The following FRMD4A variants were observed in gnomAD, a reference collection of about 807,000 sequenced individuals.
FRMD4A encodes FERM domain-containing protein 4A.
FRMD4A carries 29 observed loss-of-function variants against 129.1 expected under a neutral mutation model. The observed-to-expected ratio is 0.22, with a 90% CI of 0.17 to 0.31. The LOEUF (loss-of-function observed/expected upper bound fraction) is 0.31. FRMD4A is among the 10% of genes least tolerant of loss of function. The probability of loss-of-function intolerance (pLI) is 1.00; values close to 1 mark genes in which losing one functional copy is unlikely to be tolerated. For missense variants in FRMD4A, 1,272 were observed against 1,375.8 expected, an observed-to-expected ratio of 0.92 and a Z score of 1.19; for synonymous variants, 634 against 571.6, an observed-to-expected ratio of 1.11 and a Z score of -1.56.
intron 4 of FRMD4A, among the ~76,000 whole-genome samples, chr10:13,799,497 A>G (rs2093205462): frequency 1.3e-5 from 2 of 152,160 alleles, no homozygotes; most frequent in Admixed American, 1.3e-4. Context: ...CACGAGATCT[A>G]CCTCATGAGG....
At chr10:14,072,165 T>A (rs1442223773) in intron 2 of FRMD4A, among the ~76,000 whole-genome samples, 2 of 152,196 alleles carry the variant, frequency 1.3e-5, no homozygotes, top group African/African-American at 4.8e-5. Context: ...CTTCTGGATA[T>A]CTAGTTGAGA....
chr10:14,212,203 C>T (rs978431308), intron 2 of FRMD4A, among the ~76,000 whole-genome samples: 3 of 152,148 alleles, frequency 2.0e-5, no homozygotes, highest in African/African-American at 7.2e-5. Flanking sequence ...GGGCCACCAC[C>T]GATATCCAGT....
intron 2 of FRMD4A, among the ~76,000 whole-genome samples, chr10:14,238,010 C>A (rs1843890485): frequency 6.6e-6 from 1 of 152,228 alleles, no homozygotes; most frequent in Non-Finnish European, 1.5e-5. Context: ...CTCCCACCTG[C>A]CTCTCTGCTC....
chr10:13,747,092 T>G (rs1273344595), intron 9 of FRMD4A, among the ~76,000 whole-genome samples: 1 of 150,702 alleles, frequency 6.6e-6, no homozygotes, highest in Non-Finnish European at 1.5e-5. Context: ...TGTTCCAAAA[T>G]GAAACTCTAG....
intron 18 of FRMD4A, 24 bp downstream of exon 18, chr10:13,666,073 G>A (rs764121779): frequency 1.4e-6 from 2 of 1,452,292 alleles, no homozygotes; most frequent in Middle Eastern, 1.8e-4. Context: ...GGAGTGGGGT[G>A]GGGGCAGCCC....
At chr10:14,265,052 G>A (rs541965586) in intron 2 of FRMD4A, among the ~76,000 whole-genome samples, 2 of 152,334 alleles carry the variant, frequency 1.3e-5, no homozygotes, top group East Asian at 3.9e-4. Flanking sequence ...AAAGTGCTGG[G>A]ATTACAGGCG....
chr10:13,749,563 T>C (rs1037724637), intron 8 of FRMD4A, among the ~76,000 whole-genome samples: 2 of 152,036 alleles, frequency 1.3e-5, no homozygotes, highest in Non-Finnish European at 2.9e-5. Flanking sequence ...GCGTCACCAT[T>C]GGATGCCCAG....
intron 2 of FRMD4A, among the ~76,000 whole-genome samples, chr10:14,200,662 C>A (rs1228897007): frequency 6.6e-6 from 1 of 152,188 alleles, no homozygotes; most frequent in East Asian, 1.9e-4. Context: ...GCAGGGTGAG[C>A]AGCCTCCTCA....
At chr10:13,999,623 T>C (rs1273175202) in intron 2 of FRMD4A, among the ~76,000 whole-genome samples, 1 of 152,234 alleles carries the variant, frequency 6.6e-6, no homozygotes, top group Non-Finnish European at 1.5e-5. Flanking sequence ...TATAGCGTTT[T>C]TGAGAAAAGT....
At chr10:14,011,908 C>T (rs2095683789) in intron 2 of FRMD4A, among the ~76,000 whole-genome samples, 1 of 151,620 alleles carries the variant, frequency 6.6e-6, no homozygotes, top group African/African-American at 2.4e-5. Context: ...ACTTGGGAGG[C>T]TGAGGCAGGA....
At chr10:13,684,536 C>A (rs577133181) in intron 15 of FRMD4A, 1 of 985,342 alleles carries the variant, frequency 1.0e-6, no homozygotes, top group Non-Finnish European at 1.2e-6. Flanking sequence ...GCTCTCCTCC[C>A]GGCCGGCAGA....
rs149093916 is a variant in FRMD4A at position 13,895,369 on chromosome 10, G to C, written c.46-36457C>G. ...TTTCTTCCTATGTTAGTTTGCTAAG[G>C]ATAATGGCCTACAGCTCCATCCATG... On this transcript the variant is annotated intron_variant, in intron 2 of 24. Transcript: ENST00000357447. Among the ~76,000 whole-genome samples the C allele has an allele frequency of 3.4e-3, 522 of 152,246 alleles. 1 individual carries two copies. Among genetic ancestry groups the C allele is most frequent in the Non-Finnish European group, 5.6e-3 (381 of 68,018 alleles).
intron 2 of FRMD4A, among the ~76,000 whole-genome samples, chr10:13,902,988 T>G (rs764471443): frequency 6.6e-6 from 1 of 152,206 alleles, no homozygotes; most frequent in Non-Finnish European, 1.5e-5. Flanking sequence ...ATCCTGCTGA[T>G]TGGAGCTTAC....
chr10:13,838,150 G>A lies in FRMD4A; in HGVS notation c.111+20697C>T, dbSNP rs57858088. Among the ~76,000 whole-genome samples the A allele has an allele frequency of 5.9e-3, 881 of 149,714 alleles. 12 individuals are homozygous for A. Among genetic ancestry groups the A allele is most frequent in the African/African-American group, 0.02 (832 of 40,770 alleles). ...GTTGCCCAGGCCTGAGTGCAGTGGC[G>A]TGATCATAGCTCACTGAAGCCTCTA... On this transcript the variant is annotated intron_variant, in intron 3 of 24. Transcript: ENST00000357447.
Position 13,865,408 on chromosome 10 carries a change from GTTTTATTTTATTTTATTTTA to G in FRMD4A, c.46-6516_46-6497del, listed in dbSNP as rs56008576. On this transcript the variant is annotated intron_variant, in intron 2 of 24. Transcript: ENST00000357447. ...TTACTTTATTTTATTTATTTTATTT[GTTTTATTTTATTTTATTTTA>G]TTTTATTTTATTTTATTTTATTTTA... Among the ~76,000 whole-genome samples, 1,072 of 127,144 alleles carry G rather than the reference GTTTTATTTTATTTTATTTTA, an allele frequency of 8.4e-3. 10 individuals are homozygous for G. Among genetic ancestry groups the G allele is most frequent in the African/African-American group, 0.027 (950 of 35,820 alleles). The allele number at this position is 127,144 out of a possible 152,430, so 83.4% of individuals were successfully genotyped here.
Position 13,664,697 on chromosome 10 carries a change from T to C in FRMD4A, c.1604-1188A>G, listed in dbSNP as rs547257110. On this transcript the variant is annotated intron_variant, in intron 18 of 24. Coordinates refer to ENST00000357447, the MANE Select transcript of FRMD4A (RefSeq NM_018027.5). Reference sequence around the variant, plus strand: ...AATATATATAACATCACATTTACCATGTTAACATTTTTTTTTTTTTCAGAG... The same window carrying C: ...AATATATATAACATCACATTTACCACGTTAACATTTTTTTTTTTTTCAGAG... 9.0e-3 allele frequency among the ~76,000 whole-genome samples: 1,103 copies of C among 122,746 alleles called. 3 individuals carry two copies. The highest frequency in any genetic ancestry group is 0.013 in the Non-Finnish European group (797 of 60,494). 80.5% of individuals were successfully genotyped at this position (122,746 alleles called of 152,430 possible).
At chr10:14,260,776 T>C (rs965188716) in intron 2 of FRMD4A, among the ~76,000 whole-genome samples, 7 of 152,160 alleles carry the variant, frequency 4.6e-5, no homozygotes, top group African/African-American at 1.7e-4. Context: ...GGCAAACTAT[T>C]TCCTTAACTA....
intron 15 of FRMD4A, among the ~76,000 whole-genome samples, chr10:13,687,343 C>T (rs1022622505): frequency 1.3e-5 from 2 of 152,036 alleles, no homozygotes; most frequent in Non-Finnish European, 2.9e-5. Flanking sequence ...ATGGCAAATC[C>T]CCAAAACAAC....
At chr10:14,149,289 C>A (rs953548295) in intron 2 of FRMD4A, among the ~76,000 whole-genome samples, 2 of 152,058 alleles carry the variant, frequency 1.3e-5, no homozygotes, top group African/African-American at 4.8e-5. Context: ...CACAGAAATA[C>A]GTAGTAAGAT....
Sources: allele counts gnomAD v4.1 joint callset (sites outside exome capture counted in the v4.1 genomes callset), GRCh38; gene constraint gnomAD v4.1.1; transcripts MANE v1.5; gene names NCBI Gene and HGNC (gene_info 2026-07-23, HGNC 2026-07-21).